Variants in GOLGB1 observed in about 807,000 individuals in gnomAD.
The protein encoded by GOLGB1 is golgin subfamily B member 1.
Under a neutral mutation model 336.9 loss-of-function variants are expected in GOLGB1, and 174 were observed. The ratio of observed to expected loss-of-function variants is 0.52; its 90% CI spans 0.46 to 0.59. GOLGB1 has a LOEUF of 0.59. Ranked by LOEUF, GOLGB1 falls within the 20% of genes least tolerant of loss-of-function variation. GOLGB1 has a pLI of 0.00. For synonymous variants in GOLGB1, 1,208 were observed against 1,289.2 expected (o/e 0.94, Z 1.35); for missense variants, 3,331 against 3,645.3 (o/e 0.91, Z 2.22).
Position 121,676,991 on chromosome 3 carries a change from T to G in GOLGB1, c.9079A>C (p.Asn3027His), listed in dbSNP as rs1940475832. Residue 3027 changes from asparagine to histidine, a missense_variant, in exon 17 of 22, where the codon AAT (asparagine) becomes CAT (histidine). Physicochemically the swap from Asn to His is moderately conservative, Grantham distance 68. Coordinates refer to ENST00000614479, the MANE Select transcript of GOLGB1 (RefSeq NM_001366282.2). ...ETSASPDGSQNLVYETELLRT... is the reference protein window; with the variant it reads ...ETSASPDGSQHLVYETELLRT... ...AGAAGTTCTGTCTCATAAACCAGAT[T>G]TTGTGACCCATCTGGGGAAGCTGAT... The G allele has an allele frequency of 1.2e-6, 2 of 1,613,748 alleles. No individual in the cohort carries two copies. Among genetic ancestry groups the G allele is most frequent in the East Asian group, 4.5e-5 (2 of 44,868 alleles).
intron 10 of GOLGB1, among the ~76,000 whole-genome samples, chr3:121,704,032 A>C (rs1943615807): frequency 6.6e-6 from 1 of 152,146 alleles, no homozygotes; most frequent in African/African-American, 2.4e-5. Context: ...TAGGCTTGAC[A>C]GTAGAATATA....
chr3:121,694,043 C>T lies in GOLGB1; in HGVS notation c.6480G>A (p.Leu2160=). ...LDALRREKVH[L]EETIGEIQVT... ...CCTGAATCTCTCCAATTGTCTCTTC[C>T]AAGTGGACTTTTTCTCTGCGCAAAG... Residue 2160 remains leucine (L), a synonymous_variant, in exon 13 of 22, where the codon TTG becomes TTA. Coordinates refer to ENST00000614479, the MANE Select transcript of GOLGB1 (RefSeq NM_001366282.2). 6.2e-7 allele frequency: 1 copy of T among 1,614,052 alleles called. No individual in the cohort carries two copies. Among genetic ancestry groups the T allele is most frequent in the Non-Finnish European group, 8.5e-7 (1 of 1,179,940 alleles).
intron 15 of GOLGB1, among the ~76,000 whole-genome samples, chr3:121,679,150 A>T (rs6803839): frequency 0.69 from 105,599 of 152,046 alleles, 37,479 homozygotes; most frequent in East Asian, 0.85. Context: ...AGGCTGAGCA[A>T]CCCTAATCAG....
rs756840268 is a variant in GOLGB1 at position 121,698,689 on chromosome 3, C to A, written c.1834G>T (p.Ala612Ser). 5 of 1,613,834 alleles carry A rather than the reference C, an allele frequency of 3.1e-6. No individual in the cohort carries two copies. Among genetic ancestry groups the A allele is most frequent in the Non-Finnish European group, 4.2e-6 (5 of 1,179,824 alleles). ...AGAAATACTTTCATTTTAATTGGAG[C>A]TATTCCCTCACCCTCCATCTGTTTC... ...EMKQMEGEGI[A>S]PIKMKVFLED... Residue 612 changes from alanine to serine, a missense_variant, in exon 13 of 22, where the codon GCT becomes TCT. Physicochemically the swap from Ala to Ser is moderately conservative, Grantham distance 99. Coordinates refer to ENST00000614479, the MANE Select transcript of GOLGB1 (RefSeq NM_001366282.2).
chr3:121,737,037 T>A (rs1258784719), intron 1 of GOLGB1, among the ~76,000 whole-genome samples: 1 of 152,248 alleles, frequency 6.6e-6, no homozygotes, highest in Admixed American at 6.5e-5. Flanking sequence ...TGCACCTATG[T>A]TCTCTGTTTT....
chr3:121,741,841 C>A (rs190627667), intron 1 of GOLGB1, among the ~76,000 whole-genome samples: 189 of 152,088 alleles, frequency 1.2e-3, no homozygotes, highest in Admixed American at 2.8e-3. Flanking sequence ...AATACTCTTT[C>A]CCATTTTTAA....
intron 1 of GOLGB1, chr3:121,749,154 C>T (rs1449859317): frequency 6.6e-6 from 1 of 152,428 alleles, no homozygotes; most frequent in Non-Finnish European, 1.5e-5. Context: ...TGATCTCCGC[C>T]CTAAAGACCT....
intron 6 of GOLGB1, among the ~76,000 whole-genome samples, chr3:121,721,931 T>C (rs1945226298): frequency 6.6e-6 from 1 of 152,238 alleles, no homozygotes; most frequent in African/African-American, 2.4e-5. Context: ...GAACTCAGCA[T>C]GAGTCCATTC....
chr3:121,698,468 C>T lies in GOLGB1; in HGVS notation c.2055G>A (p.Gln685=). ...ACCTTTCCAACTCATCCTGATGACA[C>T]TGACCAATATCTGGTACAGCAGAAA... ...KSLSAVPDIG[Q]CHQDELERLK... Residue 685 remains glutamine, a synonymous_variant, in exon 13 of 22, where the codon CAG becomes CAA. Coordinates refer to ENST00000614479, the MANE Select transcript of GOLGB1 (RefSeq NM_001366282.2). 1 of 1,613,866 alleles carries T rather than the reference C, an allele frequency of 6.2e-7. No homozygotes were observed. The highest frequency in any genetic ancestry group is 1.1e-5 in the South Asian group (1 of 91,070).
chr3:121,690,865 A>C lies in GOLGB1; in HGVS notation c.8499T>G (p.Tyr2833Ter). Residue 2833 changes from tyrosine to a stop codon, truncating the protein, a stop_gained, in exon 14 of 22, where the codon TAT becomes TAG. Coordinates refer to ENST00000614479, the MANE Select transcript of GOLGB1 (RefSeq NM_001366282.2). LOFTEE classifies it high-confidence loss of function. Reference protein sequence around the residue: ...LHLSSQLEDSYNQVQSFSKAM... With the variant: ...LHLSSQLEDS ...CCTTGGAAAAGGACTGCACTTGGTTATAAGAATCTTCTAGTTGTGAGGACA... is the reference window on the plus strand; with the variant it reads ...CCTTGGAAAAGGACTGCACTTGGTTCTAAGAATCTTCTAGTTGTGAGGACA... 1 of 1,614,076 alleles carries C rather than the reference A, an allele frequency of 6.2e-7. No homozygotes were observed. Among genetic ancestry groups the C allele is most frequent in the East Asian group, 2.2e-5 (1 of 44,886 alleles).
At chr3:121,684,327 T>C (rs1376983582) in intron 14 of GOLGB1, among the ~76,000 whole-genome samples, 1 of 139,834 alleles carries the variant, frequency 7.2e-6, no homozygotes, top group Non-Finnish European at 1.5e-5. Flanking sequence ...ATCAAGAAGG[T>C]CCTACATCTA....
At chr3:121,679,174 C>T (rs1488707017) in intron 15 of GOLGB1, among the ~76,000 whole-genome samples, 2 of 152,140 alleles carry the variant, frequency 1.3e-5, no homozygotes, top group Non-Finnish European at 2.9e-5. Flanking sequence ...ATCAGAAATA[C>T]TTCAAAATCC....
At chr3:121,736,670 A>C (rs1946489311) in intron 1 of GOLGB1, among the ~76,000 whole-genome samples, 1 of 152,192 alleles carries the variant, frequency 6.6e-6, no homozygotes, top group Non-Finnish European at 1.5e-5. Context: ...TGGGAGGCCG[A>C]GGCAGGCAGA....
At chr3:121,667,739 T>C in intron 19 of GOLGB1, 129 bp from the exon 20 acceptor site, 1 of 779,622 alleles carries the variant, frequency 1.3e-6, no homozygotes, top group East Asian at 2.7e-5. Context: ...CACAATATTT[T>C]AAAAGCAAAG....
intron 1 of GOLGB1, among the ~76,000 whole-genome samples, chr3:121,747,283 ATGTATATATATG>A (rs1404363199): frequency 2.2e-5 from 3 of 135,552 alleles, no homozygotes; most frequent in Admixed American, 7.3e-5. Flanking sequence ...ATATGTATAT[ATGTATATATATG>A]TGTATATATG....
At position 121,710,204 on chromosome 3, in the gene GOLGB1, G is replaced by C. The variant is rs533845811; in HGVS notation, c.1404+4657C>G. 7.9e-5 allele frequency among the ~76,000 whole-genome samples: 12 copies of C among 151,538 alleles called. 1 individual carries two copies. The South Asian group carries it at 2.5e-3, about 32-fold the overall frequency. ...ACTCCAGACTCAGATGGTTTCATTG[G>C]TGAATTCTTTTAAAAAAAAGTATTT... On this transcript the variant is annotated intron_variant, in intron 10 of 21. Coordinates refer to ENST00000614479, the MANE Select transcript of GOLGB1 (RefSeq NM_001366282.2).
rs771862855 is a variant in GOLGB1 at position 121,664,352 on chromosome 3, C to G, written c.*128G>C. ...GTATCCACCTCTGTTTTTGCAGGCA[C>G]TTTCCGTGAAGAGTTGGAGAGAAGA... On this transcript the variant is annotated 3_prime_UTR_variant, in exon 22 of 22. Coordinates refer to ENST00000614479, the MANE Select transcript of GOLGB1 (RefSeq NM_001366282.2). 2 of 864,688 alleles carry G rather than the reference C, an allele frequency of 2.3e-6. No individual in the cohort carries two copies. The highest frequency in any genetic ancestry group is 3.8e-6 in the Non-Finnish European group (2 of 531,484). The allele number at this position is 864,688 out of a possible 1,614,324, so 53.6% of individuals were successfully genotyped here.
chr3:121,698,806 C>T lies in GOLGB1; in HGVS notation c.1717G>A (p.Glu573Lys). 1 of 1,613,538 alleles carries T rather than the reference C, an allele frequency of 6.2e-7. No homozygotes were observed. The highest frequency in any genetic ancestry group is 1.7e-5 in the Admixed American group (1 of 59,962). The change falls in exon 13 of 22, where the codon GAA becomes AAA. Residue 573 changes from glutamate (E) to lysine (K), a missense_variant. Transcript: ENST00000614479. ...AGAAATGCAATTTCCTCTTGAGCTTCTTTCATTTCCAACAATAAAACTGAT... is the reference window on the plus strand; with the variant it reads ...AGAAATGCAATTTCCTCTTGAGCTTTTTTCATTTCCAACAATAAAACTGAT... The part of the protein sequence containing the change: ...ELSVLLLEMK[E>K]AQEEIAFLKL...
At chr3:121,709,004 T>C (rs1035735366) in intron 10 of GOLGB1, among the ~76,000 whole-genome samples, 7 of 152,054 alleles carry the variant, frequency 4.6e-5, no homozygotes, top group Middle Eastern at 3.2e-3. Flanking sequence ...AGTAAAAGGA[T>C]AGAAAAGAAT....
Sources: gnomAD v4.1 joint callset for allele counts (sites outside exome capture counted in the v4.1 genomes callset) on GRCh38, gnomAD v4.1.1 for gene constraint, MANE v1.5 for transcripts, NCBI Gene and HGNC (gene_info 2026-07-23, HGNC 2026-07-21) for gene names.